Variants in TRPM3 observed in about 807,000 individuals in gnomAD.
The protein encoded by TRPM3 is transient receptor potential cation channel subfamily M member 3.
Under a neutral mutation model 181.2 loss-of-function variants are expected in TRPM3, and 77 were observed. The ratio of observed to expected loss-of-function variants is 0.42; its 90% confidence interval spans 0.35 to 0.51. The LOEUF (loss-of-function observed/expected upper bound fraction) is 0.51, where lower values mean the gene tolerates loss of function less well. Ranked by LOEUF, TRPM3 falls within the 20% of genes least tolerant of loss-of-function variation. TRPM3 has a pLI of 0.01. For synonymous variants in TRPM3, 745 were observed against 796.4 expected (o/e 0.94, Z 1.09); for missense variants, 1,759 against 2,196.7 (o/e 0.80, Z 3.98).
chr9:70,664,649 T>G (rs1033887437), intron 9 of TRPM3, among the ~76,000 whole-genome samples: 1 of 85,606 alleles, frequency 1.2e-5, no homozygotes, highest in Non-Finnish European at 2.4e-5. Flanking sequence ...TAGTTTTTTT[T>G]TTTTTTTTTT....
chr9:70,600,187 G>T (rs2059635261), intron 20 of TRPM3, among the ~76,000 whole-genome samples: 5 of 152,158 alleles, frequency 3.3e-5, no homozygotes, highest in Admixed American at 3.3e-4. Flanking sequence ...AGAAGCCAGG[G>T]AATGCCACTT....
intron 1 of TRPM3, among the ~76,000 whole-genome samples, chr9:70,953,968 T>C (rs1196645070): frequency 6.6e-6 from 1 of 152,118 alleles, no homozygotes; most frequent in East Asian, 1.9e-4. Flanking sequence ...CTCAAGAAAC[T>C]TCAGTGGGTC....
rs2097150500 is a variant in TRPM3 at position 70,962,863 on chromosome 9, T to C, written c.178-98352A>G. 3.3e-5 allele frequency among the ~76,000 whole-genome samples: 5 copies of C among 152,244 alleles called. No homozygotes were observed. The South Asian group carries it at 1.0e-3, about 32-fold the overall frequency. On this transcript the variant is annotated intron_variant, in intron 1 of 25. Coordinates refer to ENST00000677713, the MANE Select transcript of TRPM3 (RefSeq NM_001366145.2). ...CAAATCACCGGGGGGACAAGGGGAC[T>C]GTCATGTATGTAGAGTGCTCAGCGG...
chr9:70,979,456 T>G (rs2097341023), intron 1 of TRPM3, among the ~76,000 whole-genome samples: 1 of 152,106 alleles, frequency 6.6e-6, no homozygotes, highest in Non-Finnish European at 1.5e-5. Context: ...TCCAACTGTA[T>G]ACATAAAAGG....
At chr9:70,551,145 C>T (rs1002042847) in intron 24 of TRPM3, among the ~76,000 whole-genome samples, 3 of 152,180 alleles carry the variant, frequency 2.0e-5, no homozygotes, top group Non-Finnish European at 2.9e-5. Flanking sequence ...TCCATTAACA[C>T]GTCAAATTTT....
At chr9:71,339,660 GT>G (rs1475319128) in intron 1 of TRPM3, among the ~76,000 whole-genome samples, 2 of 152,034 alleles carry the variant, frequency 1.3e-5, no homozygotes, top group East Asian at 3.9e-4. Context: ...CATACATAGC[GT>G]ATGACTCTAT....
At chr9:71,020,477 G>GA (rs71367248) in intron 1 of TRPM3, among the ~76,000 whole-genome samples, 9,052 of 113,538 alleles carry the variant, frequency 0.08, 408 homozygotes, top group Admixed American at 0.17. Flanking sequence ...ACCCCGTCTT[G>GA]AAAAAAAAAA....
Position 71,141,222 on chromosome 9 carries a change from C to G in TRPM3, c.184-276711G>C, listed in dbSNP as rs546311408. On this transcript the variant is annotated intron_variant, in intron 1 of 24. Coordinates refer to the TRPM3 transcript ENST00000357533. Reference sequence around the variant, plus strand: ...GATAAATTAATTAGTTGTACTAAGACTGCGTAACTTAATTTGAACAATAAT... The same window carrying G: ...GATAAATTAATTAGTTGTACTAAGAGTGCGTAACTTAATTTGAACAATAAT... Among the ~76,000 whole-genome samples the G allele has an allele frequency of 1.7e-3, 263 of 152,228 alleles. 2 individuals are homozygous for G. Among genetic ancestry groups the G allele is most frequent in the Non-Finnish European group, 2.4e-3 (164 of 68,012 alleles).
At chr9:71,367,811 G>C (rs930435208) in intron 1 of TRPM3, among the ~76,000 whole-genome samples, 7 of 152,178 alleles carry the variant, frequency 4.6e-5, no homozygotes, top group African/African-American at 1.4e-4. Context: ...CCTCTCTTGA[G>C]AAACAGGATA....
At chr9:71,022,832 T>C (rs146233084) in intron 1 of TRPM3, among the ~76,000 whole-genome samples, 1,953 of 151,964 alleles carry the variant, frequency 0.013, 32 homozygotes, top group African/African-American at 0.045. Flanking sequence ...ACTTAAAGTA[T>C]AATAAAAAAA....
At chr9:70,795,934 A>C (rs564926941) in intron 6 of TRPM3, among the ~76,000 whole-genome samples, 8 of 152,326 alleles carry the variant, frequency 5.3e-5, no homozygotes, top group African/African-American at 1.7e-4. Flanking sequence ...GACAAGTATT[A>C]TTTTCATAAA....
intron 1 of TRPM3, among the ~76,000 whole-genome samples, chr9:71,289,593 C>T (rs1395024479): frequency 6.6e-6 from 1 of 152,026 alleles, no homozygotes; most frequent in African/African-American, 2.4e-5. Context: ...TAGGGTCAAG[C>T]ACAGTGGCTC....
In TRPM3 at chr9:71,316,312, T is replaced by C. The variant is rs141478934; in HGVS notation, c.183+130341A>G. ...CATGTCCATTAATTCAATCTGTCTC[T>C]GCCCTTGGTTACTCCCTAACTGTTC... On this transcript the variant is annotated intron_variant, in intron 1 of 24. Coordinates refer to the TRPM3 transcript ENST00000357533. Among the ~76,000 whole-genome samples the C allele has an allele frequency of 5.7e-3, 875 of 152,310 alleles. 8 individuals carry two copies. The highest frequency in any genetic ancestry group is 0.018 in the African/African-American group (768 of 41,576).
intron 8 of TRPM3, among the ~76,000 whole-genome samples, chr9:70,760,520 G>A (rs943529340): frequency 2.0e-5 from 3 of 151,024 alleles, no homozygotes; most frequent in Non-Finnish European, 4.4e-5. Flanking sequence ...TTCTATATAT[G>A]GGGCAGCCAG....
intron 1 of TRPM3, among the ~76,000 whole-genome samples, chr9:70,978,867 G>C (rs2097334111): frequency 6.6e-6 from 1 of 152,152 alleles, no homozygotes; most frequent in African/African-American, 2.4e-5. Flanking sequence ...ACAGGAAAAT[G>C]AGCAAAATCA....
At position 71,209,392 on chromosome 9, in the gene TRPM3, G is replaced by A. The variant is rs551335729; in HGVS notation, c.183+237261C>T. Among the ~76,000 whole-genome samples the A allele has an allele frequency of 1.4e-3, 61 of 44,458 alleles. 1 individual carries two copies. The highest frequency in any genetic ancestry group is 0.013 in the Admixed American group (57 of 4,232). 29.2% of individuals were successfully genotyped at this position (44,458 alleles called of 152,430 possible). A position where few individuals can be genotyped will look rare whatever the true frequency, so the allele number is the denominator to read the frequency against. Reference sequence around the variant, plus strand: ...GGGGGGAGAAGAGGGGGTAGGGAGAGGGGGAAGGAGGGAGGGAGAGAGAGA... The same window carrying A: ...GGGGGGAGAAGAGGGGGTAGGGAGAAGGGGAAGGAGGGAGGGAGAGAGAGA... On this transcript the variant is annotated intron_variant, in intron 1 of 24. Transcript: ENST00000357533.
At chr9:71,359,230 G>A (rs972207100) in intron 1 of TRPM3, among the ~76,000 whole-genome samples, 1 of 152,176 alleles carries the variant, frequency 6.6e-6, no homozygotes, top group Non-Finnish European at 1.5e-5. Context: ...CAATCTGTTC[G>A]GTGAAGAGTC....
At chr9:71,306,170 A>T (rs2087296869) in intron 1 of TRPM3, among the ~76,000 whole-genome samples, 1 of 152,124 alleles carries the variant, frequency 6.6e-6, no homozygotes, top group African/African-American at 2.4e-5. Context: ...ATTATCACGA[A>T]CTTGTTTGGT....
At chr9:70,855,154 C>G (rs2095354026) in intron 3 of TRPM3, among the ~76,000 whole-genome samples, 1 of 152,150 alleles carries the variant, frequency 6.6e-6, no homozygotes, top group Admixed American at 6.6e-5. Context: ...CCTATCAAAG[C>G]AGAACTCAAC....
Sources: allele counts gnomAD v4.1 joint callset (sites outside exome capture counted in the v4.1 genomes callset), GRCh38; gene constraint gnomAD v4.1.1; transcripts MANE v1.5; gene names NCBI Gene and HGNC (gene_info 2026-07-23, HGNC 2026-07-21).